Variants in LRP1 observed in about 807,000 individuals in gnomAD.
The protein encoded by LRP1 is LDL receptor related protein 1.
LRP1 carries 51 observed loss-of-function variants against 541.5 expected under a neutral mutation model. The observed-to-expected ratio is 0.09, with a 90% CI of 0.08 to 0.12. LRP1 has a LOEUF of 0.12. LRP1 is among the 10% of genes least tolerant of loss of function. LRP1 has a pLI of 1.00. For missense variants in LRP1, 3,878 were observed against 6,376.2 expected, an observed-to-expected ratio of 0.61 and a Z score of 13.34; for synonymous variants, 2,219 against 2,470.8, an observed-to-expected ratio of 0.90 and a Z score of 3.02.
intron 17 of LRP1, 172 bp downstream of exon 17, chr12:57,166,381 C>T (rs2035840480): frequency 4.9e-6 from 4 of 814,624 alleles, no homozygotes; most frequent in South Asian, 2.0e-5. Flanking sequence ...ATAGTGAGAC[C>T]TCCCACTCTT....
intron 2 of LRP1, among the ~76,000 whole-genome samples, chr12:57,139,812 G>GAC (rs149629195): frequency 2.0e-5 from 3 of 152,010 alleles, no homozygotes; most frequent in African/African-American, 4.8e-5. Flanking sequence ...CCAACATAGA[G>GAC]ACACACACAC....
intron 4 of LRP1, among the ~76,000 whole-genome samples, chr12:57,144,176 T>C (rs1434428054): frequency 6.6e-6 from 1 of 152,210 alleles, no homozygotes; most frequent in Non-Finnish European, 1.5e-5. Flanking sequence ...CATTTGTCTC[T>C]GGGTATTCAC....
intron 50 of LRP1, 88 bp downstream of exon 50, chr12:57,194,787 G>T (rs2036493045): frequency 6.8e-7 from 1 of 1,478,520 alleles, no homozygotes; most frequent in Admixed American, 2.2e-5. Flanking sequence ...CCTTGGAAAA[G>T]GGCATCCAGA....
chr12:57,172,696 A>G (rs767846760), intron 20 of LRP1, among the ~76,000 whole-genome samples: 14 of 152,120 alleles, frequency 9.2e-5, no homozygotes, highest in Non-Finnish European at 1.8e-4. Context: ...CCATAGCTTT[A>G]TCAATACCTG....
In LRP1 at chr12:57,173,943, C is replaced by G. The variant is rs148283183; in HGVS notation, c.3510C>G (p.Asp1170Glu). 1 of 1,614,086 alleles carries G rather than the reference C, an allele frequency of 6.2e-7. No homozygotes were observed. The highest frequency in any genetic ancestry group is 2.2e-5 in the East Asian group (1 of 44,892). ...LPPDKLCDGN[D>E]DCGDGSDEGE... ...CTGACAAGCTGTGTGATGGCAACGACGACTGTGGCGACGGCTCAGATGAGG... is the reference window on the plus strand; with the variant it reads ...CTGACAAGCTGTGTGATGGCAACGAGGACTGTGGCGACGGCTCAGATGAGG... Residue 1170 changes from aspartate (D) to glutamate (E), a missense_variant, in exon 22 of 89, where the codon GAC becomes GAG. Coordinates refer to ENST00000243077, the MANE Select transcript of LRP1 (RefSeq NM_002332.3). This position sits in a 1 kb window ranked among gnomAD's most constrained non-coding sequence, Gnocchi z 4.7.
intron 64 of LRP1, 77 bp downstream of exon 64, chr12:57,200,892 G>A (rs1315958603): frequency 6.4e-7 from 1 of 1,566,290 alleles, no homozygotes; most frequent in Non-Finnish European, 8.8e-7. Context: ...TCAAGTGCAG[G>A]GAAGTTGCAG....
intron 6 of LRP1, among the ~76,000 whole-genome samples, chr12:57,151,946 G>T (rs1053239573): frequency 6.6e-6 from 1 of 152,176 alleles, no homozygotes; most frequent in African/African-American, 2.4e-5. Flanking sequence ...AATACCAAAG[G>T]GGAGGCCAGG....
At position 57,162,247 on chromosome 12, in the gene LRP1, C is replaced by T; in HGVS notation, c.2203-70C>T. On this transcript the variant is annotated intron_variant, in intron 13 of 88. Coordinates refer to ENST00000243077, the MANE Select transcript of LRP1 (RefSeq NM_002332.3). This position sits in a 1 kb window ranked among gnomAD's most constrained non-coding sequence, Gnocchi z 5.2. ...CCCAGGACATAGACAAATGAATGTA[C>T]AAAACAGTGATCTCACAGGCCTCCC... is the stretch of plus-strand genomic sequence containing the variant. 5 of 1,304,376 alleles carry T rather than the reference C, an allele frequency of 3.8e-6. No homozygotes were observed. The highest frequency in any genetic ancestry group is 1.8e-4 in the Middle Eastern group (1 of 5,508). 80.8% of individuals were successfully genotyped at this position (1,304,376 alleles called of 1,614,324 possible).
At chr12:57,130,531 T>C (rs904398957) in intron 1 of LRP1, among the ~76,000 whole-genome samples, 3 of 151,802 alleles carry the variant, frequency 2.0e-5, no homozygotes, top group Admixed American at 6.6e-5. Context: ...CATTATCATG[T>C]GTTTTTCTCT....
Position 57,201,392 on chromosome 12 carries a change from TG to T in LRP1, c.10346-104del. ...AAACTGTTCCTTCCTCCGAAGAAGT[TG>T]CTGGCAGGACCAAGGCCAGGGCTTG... is the stretch of plus-strand genomic sequence containing the variant. On this transcript the variant is annotated intron_variant, in intron 65 of 88. Transcript: ENST00000243077. The surrounding 1 kb of genome is among the most constrained non-coding windows in gnomAD (Gnocchi z 6.4). 1 of 1,502,058 alleles carries T rather than the reference TG, an allele frequency of 6.7e-7. No individual in the cohort carries two copies. The highest frequency in any genetic ancestry group is 9.0e-7 in the Non-Finnish European group (1 of 1,114,676). 93.0% of individuals were successfully genotyped at this position (1,502,058 alleles called of 1,614,324 possible). A position where few individuals can be genotyped will look rare whatever the true frequency, so the allele number is the denominator to read the frequency against.
Position 57,201,446 on chromosome 12 carries a change from C to A in LRP1, c.10346-51C>A, listed in dbSNP as rs1405058258. On this transcript the variant is annotated intron_variant, in intron 65 of 88. Transcript: ENST00000243077. This position sits in a 1 kb window ranked among gnomAD's most constrained non-coding sequence, Gnocchi z 6.4. Reference sequence around the variant, plus strand: ...AGAGAGAGAAGACAGTGATGGTGAACTGGAGTGGCAGGTGTAAGGGAGGGC... The same window carrying A: ...AGAGAGAGAAGACAGTGATGGTGAAATGGAGTGGCAGGTGTAAGGGAGGGC... 6.4e-7 allele frequency: 1 copy of A among 1,565,262 alleles called. No homozygotes were observed. Among genetic ancestry groups the A allele is most frequent in the Admixed American group, 1.8e-5 (1 of 55,980 alleles).
At chr12:57,188,305 T>C (rs1204784770) in intron 42 of LRP1, among the ~76,000 whole-genome samples, 1 of 152,162 alleles carries the variant, frequency 6.6e-6, no homozygotes, top group Non-Finnish European at 1.5e-5. Flanking sequence ...AACATTTTTT[T>C]CCCAATTCAG....
rs149869924 is a variant in LRP1, at chr12:57,187,348, C to T, written c.6923C>T (p.Thr2308Met). The change falls in exon 42 of 89, where the codon ACG becomes ATG. Residue 2308 changes from threonine to methionine, a missense_variant. Transcript: ENST00000243077. ...YWTSYTTSTI[T>M]RHTVDQTRPG... ...ACAAGCTACACGACATCCACCATCA[C>T]GCGCCACACAGTGGACCAGACCCGC... 6.5e-5 allele frequency: 105 copies of T among 1,614,232 alleles called. 1 individual carries two copies. Among genetic ancestry groups the T allele is most frequent in the Admixed American group, 6.2e-4 (37 of 60,032 alleles).
Position 57,178,726 on chromosome 12 carries a change from G to T in LRP1, c.4606+123G>T. The T allele has an allele frequency of 6.5e-7, 1 of 1,531,066 alleles. No individual in the cohort carries two copies. Among genetic ancestry groups the T allele is most frequent in the Non-Finnish European group, 8.9e-7 (1 of 1,129,596 alleles). The allele number at this position is 1,531,066 out of a possible 1,614,324, so 94.8% of individuals were successfully genotyped here. ...GCAAGTCTGTGCTGGGATGGCAGGG[G>T]TAGGCCGGCTGTTGACAGAGGCACT... On this transcript the variant is annotated intron_variant, in intron 27 of 88. Transcript: ENST00000243077. This position sits in a 1 kb window ranked among gnomAD's most constrained non-coding sequence, Gnocchi z 5.8.
At chr12:57,190,664 G>A in intron 42 of LRP1, 141 bp from the exon 43 acceptor site, 2 of 673,674 alleles carry the variant, frequency 3.0e-6, no homozygotes, top group South Asian at 3.5e-5. Flanking sequence ...CTGGGCATTG[G>A]GGCACTGCTG....
chr12:57,193,811 T>C (rs1472540538), intron 47 of LRP1, 88 bp from the exon 48 acceptor site: 1 of 1,591,902 alleles, frequency 6.3e-7, no homozygotes, highest in Admixed American at 1.7e-5. Context: ...CCAGGGCAGG[T>C]GCTGTGGGCC....
intron 1 of LRP1, among the ~76,000 whole-genome samples, chr12:57,129,571 G>A (rs923473771): frequency 4.6e-4 from 70 of 152,284 alleles, no homozygotes; most frequent in African/African-American, 1.6e-3. Flanking sequence ...CTGCTTGGGC[G>A]TGGAATCGAC....
chr12:57,202,660 C>T (rs1180610993), intron 68 of LRP1, 123 bp downstream of exon 68: 1 of 688,476 alleles, frequency 1.5e-6, no homozygotes, highest in Non-Finnish European at 2.6e-6. Flanking sequence ...GCAGGAGCCG[C>T]CCTCCTCACC....
rs112161318 is a variant in LRP1 at position 57,166,261 on chromosome 12, G to A, written c.2797+52G>A. On this transcript the variant is annotated intron_variant, in intron 17 of 88. Transcript: ENST00000243077. ...AGGCACCCCTCAGTCAAGGAGGCAG[G>A]GGAGACGAGGGGGCCAGGTTCAGTG... 35 of 1,538,902 alleles carry A rather than the reference G, an allele frequency of 2.3e-5. No homozygotes were observed. The African/African-American group carries it at 3.6e-4, about 16-fold the overall frequency.
Sources: gnomAD v4.1 joint callset for allele counts (sites outside exome capture counted in the v4.1 genomes callset) on GRCh38, gnomAD v4.1.1 for gene constraint, Gnocchi (gnomAD v3.1) non-coding constraint, MANE v1.5 for transcripts, NCBI Gene and HGNC (gene_info 2026-07-23, HGNC 2026-07-21) for gene names.